The following CD82 variants were observed in gnomAD, a reference collection of about 807,000 sequenced individuals.
CD82 encodes the protein CD82 antigen.
A neutral mutation model predicts 37.4 loss-of-function variants in CD82; 36 were observed. That is an observed-to-expected ratio of 0.96 (90% CI 0.74 to 1.27). CD82 has a LOEUF of 1.27. Among genes scored for constraint, CD82 ranks in the 50% most tolerant of loss-of-function variants. The pLI, the probability that CD82 is intolerant of heterozygous loss-of-function variation, is 0.00. For missense variants in CD82, 340 were observed against 347.0 expected (o/e 0.98, Z 0.16); for synonymous variants, 158 against 137.4 (o/e 1.15, Z -1.05).
intron 6 of CD82, among the ~76,000 whole-genome samples, chr11:44,609,485 G>A (rs1272983746): frequency 6.6e-6 from 1 of 152,088 alleles, no homozygotes; most frequent in East Asian, 1.9e-4. Flanking sequence ...GCCTGGCTGG[G>A]AGCCAGAGGT....
intron 2 of CD82, among the ~76,000 whole-genome samples, chr11:44,588,209 G>GTT (rs1554966288): frequency 0.015 from 2,251 of 146,064 alleles, 19 homozygotes; most frequent in Non-Finnish European, 0.023. Flanking sequence ...GGATTTTGGG[G>GTT]TTTTTTTTTT....
At position 44,618,222 on chromosome 11, in the gene CD82, C is replaced by T. The variant is rs149456679; in HGVS notation, c.499C>T (p.Arg167Cys). 1,035 of 1,614,094 alleles carry T rather than the reference C, an allele frequency of 6.4e-4. 4 individuals carry two copies. The highest frequency in any genetic ancestry group is 1.3e-3 in the South Asian group (122 of 91,090). Residue 167 changes from arginine to cysteine, a missense_variant, in exon 8 of 10, where the codon CGC (arginine) becomes TGC (cysteine). Arg to Cys is a radical substitution (Grantham distance 180). Transcript: ENST00000227155. ...GACAGACAACGCTGAGCTCATGAAT[C>T]GCCCTGAGGTCACCTACCCCTGTTC... Reference protein sequence around the residue: ...NWTDNAELMNRPEVTYPCSCE... With the variant: ...NWTDNAELMNCPEVTYPCSCE...
chr11:44,569,738 C>T (rs1258846658), intron 1 of CD82, among the ~76,000 whole-genome samples: 1 of 152,138 alleles, frequency 6.6e-6, no homozygotes, highest in Non-Finnish European at 1.5e-5. Context: ...GCACCTTTAT[C>T]TTCTTTCTGC....
At chr11:44,617,750 C>A (rs1468837444) in intron 7 of CD82, among the ~76,000 whole-genome samples, 1 of 152,138 alleles carries the variant, frequency 6.6e-6, no homozygotes, top group Admixed American at 6.5e-5. Flanking sequence ...CCATTTAGTC[C>A]TTGTGATAGC....
rs1162259880 is a variant in CD82 at position 44,605,167 on chromosome 11, CT to C, written c.247del (p.Cys83AlafsTer12). On this transcript the variant is annotated frameshift_variant, in exon 5 of 10. Coordinates refer to ENST00000227155, the MANE Select transcript of CD82 (RefSeq NM_002231.4). LOFTEE classifies it high-confidence loss of function. ...GCIGAVNEVR[C>X]LLGLYFAFLL... ...GCATCGGCGCCGTCAACGAGGTCCGCTGCCTGCTGGGGCTGGTGAGTACGGA... is the reference window on the plus strand; with the variant it reads ...GCATCGGCGCCGTCAACGAGGTCCGCGCCTGCTGGGGCTGGTGAGTACGGA... The C allele has an allele frequency of 2.5e-6, 4 of 1,614,080 alleles. No individual in the cohort carries two copies. The highest frequency in any genetic ancestry group is 2.5e-6 in the Non-Finnish European group (3 of 1,179,998).
At chr11:44,605,267 C>T (rs1853376073) in intron 5 of CD82, 85 bp downstream of exon 5, 2 of 1,608,620 alleles carry the variant, frequency 1.2e-6, no homozygotes. Context: ...GCCGTAACAT[C>T]GGGTGGAGAG....
At chr11:44,594,603 G>T (rs761011935) in intron 2 of CD82, 40 bp from the exon 3 acceptor site, 6 of 1,296,716 alleles carry the variant, frequency 4.6e-6, no homozygotes, top group Non-Finnish European at 6.7e-6. Context: ...GGCAGACTGA[G>T]CTGATCCCCT....
At chr11:44,594,309 A>G (rs1415241816) in intron 2 of CD82, among the ~76,000 whole-genome samples, 1 of 152,032 alleles carries the variant, frequency 6.6e-6, no homozygotes, top group East Asian at 1.9e-4. Context: ...CTGACTTCAA[A>G]CAGAGTCCAT....
rs959974617 is a variant in CD82, at chr11:44,604,929, CCAG to C, written c.137-125_137-123del. 72 of 1,313,224 alleles carry C rather than the reference CCAG, an allele frequency of 5.5e-5. No individual in the cohort carries two copies. In the African/African-American group the frequency reaches 9.4e-4, roughly 17 times the overall value. 81.3% of individuals were successfully genotyped at this position (1,313,224 alleles called of 1,614,324 possible). A position where few individuals can be genotyped will look rare whatever the true frequency, so the allele number is the denominator to read the frequency against. On this transcript the variant is annotated intron_variant, in intron 4 of 9. Coordinates refer to ENST00000227155, the MANE Select transcript of CD82 (RefSeq NM_002231.4). The stretch of plus-strand genomic sequence containing the variant: ...TGGTTCCCTGTTGGGCAGTGAGAAG[CCAG>C]CAGGGGAATGCAGCTGACCCCAACA...
chr11:44,574,759 T>C (rs191078990), intron 1 of CD82, among the ~76,000 whole-genome samples: 36 of 152,334 alleles, frequency 2.4e-4, no homozygotes, highest in African/African-American at 8.7e-4. Context: ...AACCACTTCC[T>C]GCACTGCCAC....
rs560861876 is a variant in CD82, at chr11:44,571,492, A to T, written c.-103+5756A>T. Among the ~76,000 whole-genome samples the T allele has an allele frequency of 3.9e-5, 6 of 152,346 alleles. No homozygotes were observed. In the East Asian group the frequency reaches 1.2e-3, roughly 29 times the overall value. On this transcript the variant is annotated intron_variant, in intron 1 of 9. Transcript: ENST00000227155. ...GTTGTTTGAGAATGATATATGAGCT[A>T]ATGCATATGAAGCATTTAAGACAGC...
chr11:44,584,000 C>G (rs765426619), intron 1 of CD82, among the ~76,000 whole-genome samples: 7 of 152,176 alleles, frequency 4.6e-5, no homozygotes, highest in Non-Finnish European at 1.0e-4. Flanking sequence ...ACTTTGGGCT[C>G]TGAAATCCTG....
At chr11:44,589,381 G>A (rs1342732057) in intron 2 of CD82, among the ~76,000 whole-genome samples, 1 of 152,222 alleles carries the variant, frequency 6.6e-6, no homozygotes, top group African/African-American at 2.4e-5. Context: ...TGAATTGTCA[G>A]TGTTTTTAAC....
intron 8 of CD82, 21 bp downstream of exon 8, chr11:44,618,386 C>A: frequency 6.2e-7 from 1 of 1,603,790 alleles, no homozygotes; most frequent in Non-Finnish European, 8.5e-7. Context: ...GGCTGCGGAT[C>A]GGGGGCGGGG....
At chr11:44,570,037 G>A (rs1852792077) in intron 1 of CD82, among the ~76,000 whole-genome samples, 1 of 152,198 alleles carries the variant, frequency 6.6e-6, no homozygotes, top group Non-Finnish European at 1.5e-5. Context: ...CTGGTGCCAG[G>A]CTCCTTCTCA....
chr11:44,593,259 G>A lies in CD82; in HGVS notation c.-20-1384G>A, dbSNP rs78469484. On this transcript the variant is annotated intron_variant, in intron 2 of 9. Transcript: ENST00000227155. ...GCTGGAGGAAGAAGGAGTGAAGCCC[G>A]GGCCTCCGGCTTTCCTTTCCCTTTG... Among the ~76,000 whole-genome samples, 1,169 of 152,346 alleles carry A rather than the reference G, an allele frequency of 7.7e-3. 17 individuals are homozygous for A. Among genetic ancestry groups the A allele is most frequent in the African/African-American group, 0.027 (1,112 of 41,568 alleles).
At chr11:44,577,053 G>A (rs1852903226) in intron 1 of CD82, among the ~76,000 whole-genome samples, 1 of 152,106 alleles carries the variant, frequency 6.6e-6, no homozygotes, top group Admixed American at 6.5e-5. Flanking sequence ...AAGGGGCCCA[G>A]GATCCCAGGA....
intron 1 of CD82, among the ~76,000 whole-genome samples, chr11:44,576,106 G>A (rs1488697575): frequency 6.6e-6 from 1 of 152,176 alleles, no homozygotes; most frequent in South Asian, 2.1e-4. Flanking sequence ...CTTCAGTAAC[G>A]TGATCTTCTT....
At chr11:44,619,008 G>A (rs767888414) in intron 9 of CD82, 41 bp from the exon 10 acceptor site, 5 of 1,570,760 alleles carry the variant, frequency 3.2e-6, no homozygotes, top group African/African-American at 2.7e-5. Flanking sequence ...TCTGAGGCCG[G>A]GACACCCAGC....
Sources: gnomAD v4.1 joint callset for allele counts (sites outside exome capture counted in the v4.1 genomes callset) on GRCh38, gnomAD v4.1.1 for gene constraint, MANE v1.5 for transcripts, NCBI Gene and HGNC (gene_info 2026-07-23, HGNC 2026-07-21) for gene names.